PTPRD: variants seen among roughly 807,000 people sequenced by gnomAD.
PTPRD encodes the protein protein tyrosine phosphatase receptor type D.
In PTPRD, 34 loss-of-function variants were observed where a neutral mutation model predicts 214.5. The ratio of observed to expected loss-of-function variants is 0.16; its 90% CI spans 0.12 to 0.21. The LOEUF is 0.21. PTPRD is among the 10% of genes least tolerant of loss of function. PTPRD has a pLI of 1.00. For synonymous variants in PTPRD, 1,128 were observed against 845.7 expected, an observed-to-expected ratio of 1.33 and a Z score of -5.79; for missense variants, 2,545 against 2,398.7, an observed-to-expected ratio of 1.06 and a Z score of -1.27.
intron 9 of PTPRD, among the ~76,000 whole-genome samples, chr9:9,295,788 C>T (rs1225674096): frequency 6.6e-6 from 1 of 151,794 alleles, no homozygotes; most frequent in Non-Finnish European, 1.5e-5. Flanking sequence ...GGAAGCTTGT[C>T]TGTGACTCTG....
At chr9:8,491,477 A>T (rs749026752) in intron 27 of PTPRD, among the ~76,000 whole-genome samples, 4 of 152,162 alleles carry the variant, frequency 2.6e-5, no homozygotes, top group African/African-American at 4.8e-5. Flanking sequence ...CAGAGTTATT[A>T]TGACATATTT....
intron 4 of PTPRD, among the ~76,000 whole-genome samples, chr9:9,977,110 A>G (rs1291150927): frequency 6.6e-6 from 1 of 152,190 alleles, no homozygotes; most frequent in Non-Finnish European, 1.5e-5. Context: ...ATTTAAGAGC[A>G]TTATGTTAAG....
intron 5 of PTPRD, among the ~76,000 whole-genome samples, chr9:9,903,406 G>C (rs1484163310): frequency 6.6e-6 from 1 of 152,060 alleles, no homozygotes; most frequent in East Asian, 1.9e-4. Flanking sequence ...GTAAAACTGA[G>C]ATAATCATAG....
intron 10 of PTPRD, among the ~76,000 whole-genome samples, chr9:9,056,742 C>G (rs866424394): frequency 1.4e-4 from 21 of 152,320 alleles, no homozygotes; most frequent in Middle Eastern, 3.4e-3. Flanking sequence ...CCATGTTTGG[C>G]GTAGGCCTGT....
intron 27 of PTPRD, among the ~76,000 whole-genome samples, chr9:8,487,236 T>C (rs2097042123): frequency 6.6e-6 from 1 of 151,754 alleles, no homozygotes. Flanking sequence ...AATATTAAAC[T>C]TCTTATGGTG....
chr9:9,089,859 C>A (rs1591433094), intron 10 of PTPRD, among the ~76,000 whole-genome samples: 1 of 152,072 alleles, frequency 6.6e-6, no homozygotes, highest in East Asian at 1.9e-4. Context: ...TAATGCTCTG[C>A]CATATTTACT....
At chr9:9,522,791 A>AT (rs2097018275) in intron 8 of PTPRD, among the ~76,000 whole-genome samples, 1 of 152,200 alleles carries the variant, frequency 6.6e-6, no homozygotes, top group Non-Finnish European at 1.5e-5. Context: ...GGCTCTTTAG[A>AT]TTTTGGAAAC....
intron 9 of PTPRD, among the ~76,000 whole-genome samples, chr9:9,194,084 T>A (rs1177753638): frequency 6.6e-6 from 1 of 152,108 alleles, no homozygotes; most frequent in Non-Finnish European, 1.5e-5. Flanking sequence ...TGTTAAAAAC[T>A]AAAACACAAA....
intron 35 of PTPRD, among the ~76,000 whole-genome samples, chr9:8,425,150 A>G (rs2094579518): frequency 6.6e-6 from 1 of 152,218 alleles, no homozygotes; most frequent in Non-Finnish European, 1.5e-5. Context: ...AAATACATAA[A>G]TAAGTAAAGT....
At chr9:10,526,170 G>A (rs550708022) in intron 2 of PTPRD, among the ~76,000 whole-genome samples, 11 of 152,060 alleles carry the variant, frequency 7.2e-5, no homozygotes, top group Admixed American at 3.9e-4. Flanking sequence ...CCAACTATAG[G>A]TCAATACCAA....
intron 11 of PTPRD, among the ~76,000 whole-genome samples, chr9:8,972,442 A>C (rs909679092): frequency 5.3e-5 from 8 of 151,858 alleles, no homozygotes; most frequent in African/African-American, 1.4e-4. Flanking sequence ...AAACATACAT[A>C]CTAATTGTCT....
chr9:8,846,120 A>G (rs1396844301), intron 11 of PTPRD, among the ~76,000 whole-genome samples: 2 of 152,198 alleles, frequency 1.3e-5, no homozygotes, highest in Non-Finnish European at 2.9e-5. Flanking sequence ...CTCTACTGAG[A>G]TTTGGCTTTG....
Position 10,611,353 on chromosome 9 carries a change from T to C in PTPRD, c.-600+1045A>G, listed in dbSNP as rs181042824. Among the ~76,000 whole-genome samples, 147 of 152,264 alleles carry C rather than the reference T, an allele frequency of 9.7e-4. 1 individual carries two copies. Among genetic ancestry groups the C allele is most frequent in the African/African-American group, 3.3e-3 (136 of 41,556 alleles). ...ATTAGATTCAGAATCCATTTGGCAG[T>C]GATAAAGAAAAAAATGCTGAAATGT... On this transcript the variant is annotated intron_variant, in intron 2 of 45. Coordinates refer to ENST00000381196, the MANE Select transcript of PTPRD (RefSeq NM_002839.4).
intron 2 of PTPRD, among the ~76,000 whole-genome samples, chr9:10,498,493 A>T (rs924812623): frequency 4.0e-5 from 6 of 149,602 alleles, no homozygotes; most frequent in Non-Finnish European, 7.4e-5. Context: ...ACCTGGGTCA[A>T]AACAGGTCAC....
intron 7 of PTPRD, among the ~76,000 whole-genome samples, chr9:9,709,025 C>T (rs2097677938): frequency 6.6e-6 from 1 of 151,852 alleles, no homozygotes; most frequent in South Asian, 2.1e-4. Context: ...TTCAAGTCTG[C>T]AGTCTTAATT....
At chr9:8,560,384 A>C (rs1350708822) in intron 14 of PTPRD, among the ~76,000 whole-genome samples, 1 of 151,986 alleles carries the variant, frequency 6.6e-6, no homozygotes, top group Non-Finnish European at 1.5e-5. Context: ...AAAACAATAC[A>C]GGTAATTTAG....
chr9:8,643,526 G>A (rs760747355), intron 12 of PTPRD, among the ~76,000 whole-genome samples: 23 of 152,202 alleles, frequency 1.5e-4, no homozygotes, highest in Non-Finnish European at 2.8e-4. Flanking sequence ...CCCTCACACT[G>A]GCTGCAGATG....
At chr9:10,101,647 G>A (rs1216623331) in intron 3 of PTPRD, among the ~76,000 whole-genome samples, 1 of 151,602 alleles carries the variant, frequency 6.6e-6, no homozygotes, top group East Asian at 1.9e-4. Flanking sequence ...CTTTGCACAG[G>A]TCCTATTACT....
At chr9:10,550,910 T>C (rs2061203539) in intron 2 of PTPRD, among the ~76,000 whole-genome samples, 1 of 152,218 alleles carries the variant, frequency 6.6e-6, no homozygotes, top group Admixed American at 6.5e-5. Context: ...CCCATGGCCT[T>C]ATTCACTTCG....
Sources: gnomAD v4.1 joint callset for allele counts (sites outside exome capture counted in the v4.1 genomes callset) on GRCh38, gnomAD v4.1.1 for gene constraint, MANE v1.5 for transcripts, NCBI Gene and HGNC (gene_info 2026-07-23, HGNC 2026-07-21) for gene names.